The following HJURP variants were observed in gnomAD, a reference collection of about 807,000 sequenced individuals.
HJURP encodes the protein 14-3-3-associated AKT substrate.
In HJURP, 49 loss-of-function variants were observed where a neutral mutation model predicts 72.0. The observed-to-expected ratio is 0.68, with a 90% CI of 0.54 to 0.86. HJURP has a LOEUF of 0.86. Among genes scored for constraint, HJURP ranks in the 40% least tolerant of loss-of-function variants. The probability of loss-of-function intolerance (pLI) is 0.00; values close to 1 mark genes in which losing one functional copy is unlikely to be tolerated. For missense variants in HJURP, 908 were observed against 936.3 expected (o/e 0.97, Z 0.39); for synonymous variants, 357 against 347.1 (o/e 1.03, Z -0.32).
chr2:233,844,123 T>A (rs1705297684), intron 7 of HJURP, 82 bp downstream of exon 7: 2 of 1,005,736 alleles, frequency 2.0e-6, no homozygotes, highest in Non-Finnish European at 3.1e-6. Flanking sequence ...GTGGCCAGTA[T>A]GAGCAGCTCT....
chr2:233,854,323 C>T, intron 1 of HJURP, 61 bp downstream of exon 1: 8 of 1,199,934 alleles, frequency 6.7e-6, no homozygotes, highest in Admixed American at 2.0e-5. Context: ...GTCCTACGTC[C>T]CCTCCCAGCC....
At chr2:233,840,399 G>A (rs1324281522) in intron 8 of HJURP, among the ~76,000 whole-genome samples, 1 of 152,198 alleles carries the variant, frequency 6.6e-6, no homozygotes, top group African/African-American at 2.4e-5. Flanking sequence ...GCTTTACCTC[G>A]ATGCATCTTA....
chr2:233,844,349 G>C, intron 6 of HJURP, 66 bp from the exon 7 acceptor site: 1 of 1,226,912 alleles, frequency 8.2e-7, no homozygotes, highest in Non-Finnish European at 1.2e-6. Flanking sequence ...AAGGAGCTGG[G>C]TTCTCCCCTG....
At position 233,844,153 on chromosome 2, in the gene HJURP, A is replaced by G. The variant is rs374929822; in HGVS notation, c.574+52T>C. The G allele has an allele frequency of 2.6e-6, 4 of 1,513,574 alleles. No individual in the cohort carries two copies. In the African/African-American group the frequency reaches 4.1e-5, roughly 16 times the overall value. The allele number at this position is 1,513,574 out of a possible 1,614,324, so 93.8% of individuals were successfully genotyped here. A position where few individuals can be genotyped will look rare whatever the true frequency, so the allele number is the denominator to read the frequency against. On this transcript the variant is annotated intron_variant, in intron 7 of 8. Coordinates refer to ENST00000411486, the MANE Select transcript of HJURP (RefSeq NM_018410.5). ...AGCTCTGAGGGGCCACGCAGCTCCAACAAAAGTGAAGGAAACACGCACTGT... is the reference window on the plus strand; with the variant it reads ...AGCTCTGAGGGGCCACGCAGCTCCAGCAAAAGTGAAGGAAACACGCACTGT...
Position 233,841,311 on chromosome 2 carries a change from C to T in HJURP, c.1469G>A (p.Ser490Asn). 1 of 1,614,144 alleles carries T rather than the reference C, an allele frequency of 6.2e-7. No individual in the cohort carries two copies. The change falls in exon 8 of 9, where the codon AGC becomes AAC. Residue 490 changes from serine to asparagine, a missense_variant. Transcript: ENST00000411486. Reference protein sequence around the residue: ...LETRRLSLPSSKAKAKSLSEA... With the variant: ...LETRRLSLPSNKAKAKSLSEA... ...ACTTAAACTTTTTGCTTTTGCTTTG[C>T]TGGAAGGTAAACTCAGCCTGCGGGT... is the stretch of plus-strand genomic sequence containing the variant.
At chr2:233,853,409 A>G (rs1261964203) in intron 2 of HJURP, among the ~76,000 whole-genome samples, 1 of 152,246 alleles carries the variant, frequency 6.6e-6, no homozygotes, top group East Asian at 1.9e-4. Context: ...CTCCAAGTTA[A>G]ACAGGGCAAA....
chr2:233,846,023 A>G lies in HJURP; in HGVS notation c.403-203T>C, dbSNP rs1006647222. ...AATCCAAAAGAATGTAAAAAGACAC[A>G]CACACACAAAAAAACCATGTCTAGA... On this transcript the variant is annotated intron_variant, in intron 5 of 8. Transcript: ENST00000411486. This position sits in a 1 kb window ranked among gnomAD's most constrained non-coding sequence, Gnocchi z 4.3. The G allele has an allele frequency of 2.0e-6, 1 of 509,166 alleles. No individual in the cohort carries two copies. Among genetic ancestry groups the G allele is most frequent in the South Asian group, 3.0e-5 (1 of 33,486 alleles). 31.5% of individuals were successfully genotyped at this position (509,166 alleles called of 1,614,324 possible).
intron 2 of HJURP, 103 bp downstream of exon 2, chr2:233,853,741 G>T: frequency 1.1e-6 from 1 of 922,934 alleles, no homozygotes; most frequent in Non-Finnish European, 1.7e-6. Flanking sequence ...GTTCCTATTA[G>T]TTAGGTGAAC....
chr2:233,837,291 A>G lies in HJURP; in HGVS notation c.*286T>C. On this transcript the variant is annotated 3_prime_UTR_variant, in exon 9 of 9. Transcript: ENST00000411486. ...ATAGAGAGAGACTGTCTCAAAAACA[A>G]ACAAACAAACAAACAAACAAACAAA... 5.9e-6 allele frequency: 1 copy of G among 170,270 alleles called. No homozygotes were observed. Among genetic ancestry groups the G allele is most frequent in the Non-Finnish European group, 1.1e-5 (1 of 88,114 alleles). 10.5% of individuals were successfully genotyped at this position (170,270 alleles called of 1,614,324 possible). A position where few individuals can be genotyped will look rare whatever the true frequency, so the allele number is the denominator to read the frequency against.
chr2:233,848,505 C>T (rs1461864240), intron 4 of HJURP, among the ~76,000 whole-genome samples: 9 of 152,184 alleles, frequency 5.9e-5, no homozygotes, highest in African/African-American at 1.9e-4. Flanking sequence ...TGGTGCTCAG[C>T]GGGGACATGA....
rs2124981444 is a variant in HJURP, at chr2:233,854,400, T to A, written c.101A>T (p.Gln34Leu). 1 of 1,601,518 alleles carries A rather than the reference T, an allele frequency of 6.2e-7. No individual in the cohort carries two copies. Among genetic ancestry groups the A allele is most frequent in the Non-Finnish European group, 8.5e-7 (1 of 1,175,368 alleles). Residue 34 changes from glutamine (Q) to leucine (L), a missense_variant, in exon 1 of 9, where the codon CAG becomes CTG. Gln to Leu is a moderately radical substitution (Grantham distance 113). Transcript: ENST00000411486. Reference sequence around the variant, plus strand: ...GGGCCGCACCTTCTCTATCAGCCGCTGCATGCGCCTCTGGAAGCGGCGGCG... The same window carrying A: ...GGGCCGCACCTTCTCTATCAGCCGCAGCATGCGCCTCTGGAAGCGGCGGCG... ...ASRRRFQRRM[Q>L]RLIEKYNQPF...
At position 233,846,091 on chromosome 2, in the gene HJURP, G is replaced by GA. The variant is rs951554663; in HGVS notation, c.403-272dup. On this transcript the variant is annotated intron_variant, in intron 5 of 8. Transcript: ENST00000411486. This position sits in a 1 kb window ranked among gnomAD's most constrained non-coding sequence, Gnocchi z 4.3. ...TGCTAGACCAGGAAAAAAAAAATCT[G>GA]AATATTCATAGGTGAGTTCAGGACT... is the stretch of plus-strand genomic sequence containing the variant. 2.3e-4 allele frequency: 81 copies of GA among 348,882 alleles called. No homozygotes were observed. The highest frequency in any genetic ancestry group is 1.5e-3 in the African/African-American group (74 of 48,136). 21.6% of individuals were successfully genotyped at this position (348,882 alleles called of 1,614,324 possible).
In HJURP at chr2:233,841,487, C is replaced by T; in HGVS notation, c.1293G>A (p.Gln431=). The part of the protein sequence containing the change: ...TIRQGHGENR[Q]REIEIRFDQL... ...GATCAAATCGGATTTCAATCTCCCT[C>T]TGACGGTTCTCTCCATGGCCCTGTC... Residue 431 remains glutamine (Q), a synonymous_variant, in exon 8 of 9, where the codon CAG becomes CAA. Coordinates refer to ENST00000411486, the MANE Select transcript of HJURP (RefSeq NM_018410.5). 1.2e-6 allele frequency: 2 copies of T among 1,614,246 alleles called. No homozygotes were observed. The highest frequency in any genetic ancestry group is 1.1e-5 in the South Asian group (1 of 91,084).
chr2:233,840,619 A>T lies in HJURP; in HGVS notation c.2161T>A (p.Ser721Thr). Residue 721 changes from serine (S) to threonine (T), a missense_variant, in exon 8 of 9, where the codon TCA becomes ACA. This residue lies in a region of HJURP where 598 missense variants were observed against 619.5 expected (regional missense o/e 0.97). Transcript: ENST00000411486. ...GDQGSSSQPNSEERGENTSYR... is the reference protein window; with the variant it reads ...GDQGSSSQPNTEERGENTSYR... The stretch of plus-strand genomic sequence containing the variant: ...CAGAAACACACCTACCTCTCTTCTG[A>T]GTTGGGCTGTGAAGAGCTGCCCTGG... The T allele has an allele frequency of 1.3e-6, 2 of 1,594,364 alleles. No homozygotes were observed. The highest frequency in any genetic ancestry group is 1.7e-6 in the Non-Finnish European group (2 of 1,173,504).
Position 233,844,220 on chromosome 2 carries a change from C to G in HJURP, c.559G>C (p.Ala187Pro). The change falls in exon 7 of 9, where the codon GCC becomes CCC. Residue 187 changes from alanine to proline, a missense_variant. This residue lies in a region of HJURP where 299 missense variants were observed against 286.7 expected (regional missense o/e 1.04). Coordinates refer to ENST00000411486, the MANE Select transcript of HJURP (RefSeq NM_018410.5). The part of the protein sequence containing the change: ...VTPLPSLASP[A>P]VPAPGYCSRI... ...TCACACTCACCGGGGGCAGGCACGG[C>G]AGGTGAGGCCAGTGAAGGCAGCGGA... 6.2e-7 allele frequency: 1 copy of G among 1,614,112 alleles called. No homozygotes were observed. Among genetic ancestry groups the G allele is most frequent in the Non-Finnish European group, 8.5e-7 (1 of 1,179,938 alleles).
At position 233,837,481 on chromosome 2, in the gene HJURP, G is replaced by T; in HGVS notation, c.*96C>A. The T allele has an allele frequency of 2.4e-6, 2 of 836,838 alleles. No homozygotes were observed. The highest frequency in any genetic ancestry group is 2.9e-5 in the South Asian group (2 of 69,354). The allele number at this position is 836,838 out of a possible 1,614,324, so 51.8% of individuals were successfully genotyped here. A position where few individuals can be genotyped will look rare whatever the true frequency, so the allele number is the denominator to read the frequency against. ...TAATATTTACTTTAAGGGCAGAGAAGTCAACCAAGTCCTCACAGTCTCAAG... is the reference window on the plus strand; with the variant it reads ...TAATATTTACTTTAAGGGCAGAGAATTCAACCAAGTCCTCACAGTCTCAAG... On this transcript the variant is annotated 3_prime_UTR_variant, in exon 9 of 9. Coordinates refer to ENST00000411486, the MANE Select transcript of HJURP (RefSeq NM_018410.5).
At chr2:233,842,940 G>C (rs540484129) in intron 7 of HJURP, among the ~76,000 whole-genome samples, 1 of 152,188 alleles carries the variant, frequency 6.6e-6, no homozygotes, top group Non-Finnish European at 1.5e-5. Context: ...GCATGTCGTT[G>C]CACTACACGA....
At chr2:233,844,975 T>G (rs56896619) in intron 6 of HJURP, among the ~76,000 whole-genome samples, 11 of 106,068 alleles carry the variant, frequency 1.0e-4, no homozygotes, top group African/African-American at 2.9e-4. Context: ...ATCCCCCCCC[T>G]CCCAACATGA....
intron 7 of HJURP, among the ~76,000 whole-genome samples, chr2:233,842,732 A>T (rs1012427841): frequency 6.6e-6 from 1 of 152,234 alleles, no homozygotes; most frequent in African/African-American, 2.4e-5. Context: ...GATATTGTCT[A>T]AGGATAAAAA....
Sources: gnomAD v4.1 joint callset for allele counts (sites outside exome capture counted in the v4.1 genomes callset) on GRCh38, gnomAD v4.1.1 for gene constraint, gnomAD v4.1.1 regional missense constraint, Gnocchi (gnomAD v3.1) non-coding constraint, MANE v1.5 for transcripts, NCBI Gene and HGNC (gene_info 2026-07-23, HGNC 2026-07-21) for gene names.